SHISA6: variants seen among roughly 807,000 people sequenced by gnomAD.
SHISA6 encodes shisa family member 6.
Under a neutral mutation model 47.9 loss-of-function variants are expected in SHISA6, and 22 were observed. That is an observed-to-expected ratio of 0.46 (90% CI 0.33 to 0.66). SHISA6 has a LOEUF of 0.66. SHISA6 is among the 30% of genes least tolerant of loss of function. SHISA6 has a pLI of 0.02. For missense variants in SHISA6, 680 were observed against 764.6 expected, an observed-to-expected ratio of 0.89 and a Z score of 1.30; for synonymous variants, 388 against 337.8, an observed-to-expected ratio of 1.15 and a Z score of -1.63.
intron 2 of SHISA6, chr17:11,288,146 C>G (rs559448219): frequency 7.2e-5 from 11 of 152,282 alleles, no homozygotes; most frequent in Admixed American, 4.6e-4. Context: ...TTTAAAAAAT[C>G]CATCCACAAT....
At chr17:11,507,349 T>G (rs978948567) in intron 3 of SHISA6, among the ~76,000 whole-genome samples, 4 of 152,134 alleles carry the variant, frequency 2.6e-5, no homozygotes, top group Non-Finnish European at 5.9e-5. Context: ...GCCCCGATGA[T>G]GTATGGAGCA....
chr17:11,279,245 C>CAT (rs1909038269), intron 2 of SHISA6, among the ~76,000 whole-genome samples: 1 of 152,170 alleles, frequency 6.6e-6, no homozygotes, highest in African/African-American at 2.4e-5. Context: ...GAGGGTGAGG[C>CAT]ATGTAACCTT....
chr17:11,555,300 A>G lies in SHISA6; in HGVS notation c.953-440A>G, dbSNP rs144069455. Among the ~76,000 whole-genome samples, 403 of 152,146 alleles carry G rather than the reference A, an allele frequency of 2.6e-3. 3 individuals are homozygous for G. The highest frequency in any genetic ancestry group is 9.2e-3 in the African/African-American group (382 of 41,448). ...GTTCTTCTATGGGTACATAAATAACATAAGTCACTCCATGTCCTCCAACTC... is the reference window on the plus strand; with the variant it reads ...GTTCTTCTATGGGTACATAAATAACGTAAGTCACTCCATGTCCTCCAACTC... On this transcript the variant is annotated intron_variant, in intron 4 of 5. Coordinates refer to ENST00000441885, the MANE Select transcript of SHISA6 (RefSeq NM_207386.4).
chr17:11,302,221 C>T (rs1270836596), intron 2 of SHISA6, among the ~76,000 whole-genome samples: 1 of 152,150 alleles, frequency 6.6e-6, no homozygotes, highest in Non-Finnish European at 1.5e-5. Context: ...CTTTAGGCCT[C>T]TGTTGGAGTT....
intron 2 of SHISA6, among the ~76,000 whole-genome samples, chr17:11,350,178 A>ATTTTTTTTTTT (rs199879665): frequency 9.9e-5 from 10 of 101,148 alleles, no homozygotes; most frequent in Middle Eastern, 4.2e-3. Flanking sequence ...TTATTTATTT[A>ATTTTTTTTTTT]TTTATTTTTT....
At chr17:11,245,842 G>A (rs1458202389) in intron 1 of SHISA6, among the ~76,000 whole-genome samples, 1 of 152,062 alleles carries the variant, frequency 6.6e-6, no homozygotes, top group East Asian at 1.9e-4. Flanking sequence ...ATCTTGGGTT[G>A]GTTCTCTTGC....
At chr17:11,246,707 G>A (rs1179617825) in intron 1 of SHISA6, among the ~76,000 whole-genome samples, 4 of 152,136 alleles carry the variant, frequency 2.6e-5, no homozygotes, top group African/African-American at 4.8e-5. Context: ...GGCTTGGTTT[G>A]TCCTGACTCT....
At chr17:11,483,095 A>T (rs1290941759) in intron 3 of SHISA6, among the ~76,000 whole-genome samples, 1 of 152,154 alleles carries the variant, frequency 6.6e-6, no homozygotes, top group Non-Finnish European at 1.5e-5. Context: ...TGAGGTCAGG[A>T]GTTCGAGACC....
intron 2 of SHISA6, among the ~76,000 whole-genome samples, chr17:11,273,856 C>T (rs1054315102): frequency 3.9e-5 from 6 of 152,182 alleles, no homozygotes; most frequent in African/African-American, 7.2e-5. Flanking sequence ...AGAGCCCAGG[C>T]GAAACTTATG....
At chr17:11,351,144 G>A (rs1206744097) in intron 2 of SHISA6, among the ~76,000 whole-genome samples, 1 of 152,008 alleles carries the variant, frequency 6.6e-6, no homozygotes, top group East Asian at 1.9e-4. Context: ...CCTGTTGGGG[G>A]GTGGGGAACA....
chr17:11,355,139 TATTCC>T (rs1912038730), intron 2 of SHISA6, among the ~76,000 whole-genome samples: 1 of 152,202 alleles, frequency 6.6e-6, no homozygotes, highest in Admixed American at 6.5e-5. Flanking sequence ...GAGAGCACTT[TATTCC>T]AGGCTTCTGC....
chr17:11,363,921 G>A (rs572504999), intron 2 of SHISA6, among the ~76,000 whole-genome samples: 20 of 152,294 alleles, frequency 1.3e-4, no homozygotes, highest in Middle Eastern at 3.4e-3. Context: ...AACTGCCCCT[G>A]AGGTGCTACT....
intron 3 of SHISA6, among the ~76,000 whole-genome samples, chr17:11,547,246 C>G (rs941366301): frequency 2.6e-5 from 4 of 152,158 alleles, no homozygotes; most frequent in African/African-American, 9.7e-5. Context: ...ATTTTGTACT[C>G]TACCAAAAGA....
intron 3 of SHISA6, among the ~76,000 whole-genome samples, chr17:11,413,089 C>T (rs1481258881): frequency 5.3e-5 from 8 of 152,242 alleles, no homozygotes; most frequent in South Asian, 2.1e-4. Context: ...TTCCTACCCA[C>T]GTGGCTTCCT....
At chr17:11,463,762 T>C (rs1219369724) in intron 3 of SHISA6, among the ~76,000 whole-genome samples, 1 of 152,238 alleles carries the variant, frequency 6.6e-6, no homozygotes, top group East Asian at 1.9e-4. Context: ...TATTTATCCA[T>C]TTTCCTGTTG....
chr17:11,263,386 G>A lies in SHISA6; in HGVS notation c.659G>A (p.Arg220Lys). The part of the protein sequence containing the change: ...NIHRALADIL[R>K]QQGPIPIAHC... ...TTTAGGGCTCTGGCTGACATCTTAA[G>A]ACAACAGGGACCAATCCCCATAGCA... Residue 220 changes from arginine (R) to lysine (K), a missense_variant, in exon 2 of 6, where the codon AGA becomes AAA. Physicochemically the swap from Arg to Lys is conservative, Grantham distance 26. Around this residue, in one of 2 missense-constraint regions of SHISA6, gnomAD observed 559 missense variants for 674.1 expected, o/e 0.83. Transcript: ENST00000441885. 1 of 1,552,114 alleles carries A rather than the reference G, an allele frequency of 6.4e-7. No individual in the cohort carries two copies. Among genetic ancestry groups the A allele is most frequent in the Non-Finnish European group, 8.7e-7 (1 of 1,147,096 alleles).
intron 2 of SHISA6, among the ~76,000 whole-genome samples, chr17:11,331,668 C>T (rs567673101): frequency 2.6e-5 from 4 of 152,098 alleles, no homozygotes; most frequent in African/African-American, 4.8e-5. Context: ...CTCTCACATA[C>T]GAGCTTTCCC....
chr17:11,459,169 A>G (rs1033137053), intron 3 of SHISA6, among the ~76,000 whole-genome samples: 1 of 151,518 alleles, frequency 6.6e-6, no homozygotes, highest in Non-Finnish European at 1.5e-5. Flanking sequence ...CAGTGAGCCA[A>G]AATCGCACCA....
At chr17:11,420,540 A>T (rs771569850) in intron 3 of SHISA6, among the ~76,000 whole-genome samples, 14 of 152,210 alleles carry the variant, frequency 9.2e-5, no homozygotes, top group African/African-American at 1.7e-4. Flanking sequence ...GAATAACACC[A>T]CATAGGTCAC....
Sources: gnomAD v4.1 joint callset for allele counts (sites outside exome capture counted in the v4.1 genomes callset) on GRCh38, gnomAD v4.1.1 for gene constraint, gnomAD v4.1.1 regional missense constraint, MANE v1.5 for transcripts, NCBI Gene and HGNC (gene_info 2026-07-23, HGNC 2026-07-21) for gene names.